Variants in ATP6V1H observed in about 807,000 individuals in gnomAD.
The protein encoded by ATP6V1H is ATPase H+ transporting V1 subunit H.
ATP6V1H carries 39 observed loss-of-function variants against 71.7 expected under a neutral mutation model. The ratio of observed to expected loss-of-function variants is 0.54; its 90% CI spans 0.42 to 0.71. ATP6V1H has a LOEUF of 0.71. Among genes scored for constraint, ATP6V1H ranks in the 30% least tolerant of loss-of-function variants. The pLI is 0.00. For missense variants in ATP6V1H, 509 were observed against 594.9 expected, an observed-to-expected ratio of 0.86 and a Z score of 1.50; for synonymous variants, 192 against 199.3, an observed-to-expected ratio of 0.96 and a Z score of 0.31.
At chr8:53,835,501 T>C (rs1477654552) in intron 2 of ATP6V1H, among the ~76,000 whole-genome samples, 3 of 152,222 alleles carry the variant, frequency 2.0e-5, no homozygotes, top group Non-Finnish European at 2.9e-5. Flanking sequence ...TTATTACATA[T>C]TCAAAAATCT....
rs143243735 is a variant in ATP6V1H, at chr8:53,813,332, G to A, written c.525+1330C>T. 2.2e-3 allele frequency among the ~76,000 whole-genome samples: 339 copies of A among 152,176 alleles called. 2 individuals carry two copies. Among genetic ancestry groups the A allele is most frequent in the African/African-American group, 7.9e-3 (328 of 41,526 alleles). On this transcript the variant is annotated intron_variant, in intron 6 of 13. Transcript: ENST00000359530. ...CAATTAGGCTCCCCTAAAAAAGGCA[G>A]GCAACAAGACAAAAAGTAAATCTAA...
chr8:53,834,114 T>C (rs1811087677), intron 2 of ATP6V1H, among the ~76,000 whole-genome samples: 1 of 152,134 alleles, frequency 6.6e-6, no homozygotes, highest in Non-Finnish European at 1.5e-5. Context: ...ACTTCAGGAT[T>C]CATTCAAGTC....
At position 53,801,913 on chromosome 8, in the gene ATP6V1H, G is replaced by A. The variant is rs1809921924; in HGVS notation, c.580-17C>T. The stretch of plus-strand genomic sequence containing the variant: ...CTGCGAACTCTGCACAAGAAGAAGT[G>A]TTGAGTTTTTAAATGGGAAGCATTT... On this transcript the variant is annotated splice_polypyrimidine_tract_variant and intron_variant, in intron 7 of 13. Transcript: ENST00000359530. The A allele has an allele frequency of 6.2e-7, 1 of 1,607,328 alleles. No individual in the cohort carries two copies. Among genetic ancestry groups the A allele is most frequent in the South Asian group, 1.1e-5 (1 of 89,492 alleles).
intron 11 of ATP6V1H, among the ~76,000 whole-genome samples, chr8:53,765,649 G>C (rs1278149993): frequency 6.6e-6 from 1 of 152,094 alleles, no homozygotes; most frequent in African/African-American, 2.4e-5. Context: ...CAAATAAACA[G>C]ATATTCCACG....
intron 12 of ATP6V1H, among the ~76,000 whole-genome samples, chr8:53,751,149 T>C (rs1807781074): frequency 1.3e-5 from 2 of 152,182 alleles, no homozygotes; most frequent in Non-Finnish European, 2.9e-5. Flanking sequence ...GGTGTCCGTG[T>C]TGCTAAGTAA....
chr8:53,736,391 A>C (rs1807204398), intron 13 of ATP6V1H, among the ~76,000 whole-genome samples: 1 of 152,234 alleles, frequency 6.6e-6, no homozygotes, highest in South Asian at 2.1e-4. Context: ...CTTAGGAAGC[A>C]AAAAAGTTAA....
intron 13 of ATP6V1H, among the ~76,000 whole-genome samples, chr8:53,718,685 G>A (rs764102989): frequency 4.6e-5 from 7 of 152,222 alleles, no homozygotes; most frequent in Non-Finnish European, 8.8e-5. Context: ...CACCATACCC[G>A]GCCAGGCTCA....
chr8:53,774,203 T>C (rs1015449811), intron 9 of ATP6V1H, among the ~76,000 whole-genome samples: 2 of 152,246 alleles, frequency 1.3e-5, no homozygotes, highest in Non-Finnish European at 2.9e-5. Flanking sequence ...TGCAAAGGCA[T>C]AGCATTGTCA....
chr8:53,835,540 A>C (rs961688936), intron 2 of ATP6V1H, among the ~76,000 whole-genome samples: 1 of 152,200 alleles, frequency 6.6e-6, no homozygotes, highest in African/African-American at 2.4e-5. Context: ...TTTTGTACAT[A>C]CTACTGCTAT....
intron 3 of ATP6V1H, among the ~76,000 whole-genome samples, chr8:53,831,171 G>T (rs1810994334): frequency 1.3e-5 from 2 of 152,132 alleles, no homozygotes; most frequent in Non-Finnish European, 2.9e-5. Flanking sequence ...CTTAACAATG[G>T]GGAAAGTTCT....
chr8:53,790,260 T>TGTAAATA, intron 9 of ATP6V1H, among the ~76,000 whole-genome samples: 1 of 152,334 alleles, frequency 6.6e-6, no homozygotes, highest in East Asian at 1.9e-4. Flanking sequence ...GCAATTCCCT[T>TGTAAATA]GTAAATAACA....
In ATP6V1H at chr8:53,801,754, G is replaced by A. The variant is rs1170310689; in HGVS notation, c.677+45C>T. On this transcript the variant is annotated intron_variant, in intron 8 of 13. Transcript: ENST00000359530. ...TATTTCTTTGAAAATGTCAAGGAGAGATGCTTGTAAATGTTATTTTACATT... is the reference window on the plus strand; with the variant it reads ...TATTTCTTTGAAAATGTCAAGGAGAAATGCTTGTAAATGTTATTTTACATT... 3 of 1,435,448 alleles carry A rather than the reference G, an allele frequency of 2.1e-6. No individual in the cohort carries two copies. The South Asian group carries it at 3.6e-5, about 17-fold the overall frequency. 88.9% of individuals were successfully genotyped at this position (1,435,448 alleles called of 1,614,324 possible). A position where few individuals can be genotyped will look rare whatever the true frequency, so the allele number is the denominator to read the frequency against.
At chr8:53,764,410 CA>C (rs2130289045) in intron 11 of ATP6V1H, among the ~76,000 whole-genome samples, 1 of 152,234 alleles carries the variant, frequency 6.6e-6, no homozygotes, top group South Asian at 2.1e-4. Context: ...ATCACATCAA[CA>C]GGCTAAAAAA....
At chr8:53,718,313 C>A (rs1183513220) in intron 13 of ATP6V1H, among the ~76,000 whole-genome samples, 1 of 152,164 alleles carries the variant, frequency 6.6e-6, no homozygotes, top group Non-Finnish European at 1.5e-5. Flanking sequence ...AGCTTCCACC[C>A]TACCATCTTC....
intron 4 of ATP6V1H, among the ~76,000 whole-genome samples, chr8:53,818,711 C>G (rs1397631427): frequency 1.3e-5 from 2 of 152,000 alleles, no homozygotes; most frequent in Non-Finnish European, 2.9e-5. Context: ...CAATTTAATC[C>G]TCAAAATCAG....
chr8:53,785,811 C>T (rs541158823), intron 9 of ATP6V1H, among the ~76,000 whole-genome samples: 1 of 152,254 alleles, frequency 6.6e-6, no homozygotes, highest in East Asian at 1.9e-4. Flanking sequence ...CACTCCTGAC[C>T]CTGTTTGCCT....
chr8:53,731,872 G>C (rs551120501), intron 13 of ATP6V1H, among the ~76,000 whole-genome samples: 66 of 152,384 alleles, frequency 4.3e-4, no homozygotes, highest in African/African-American at 1.6e-3. Flanking sequence ...CAGATCCTGA[G>C]AGCGCTCCGG....
Position 53,769,901 on chromosome 8 carries a change from T to C in ATP6V1H, c.1050-158A>G, listed in dbSNP as rs74393216. Among the ~76,000 whole-genome samples the C allele has an allele frequency of 6.3e-3, 957 of 152,256 alleles. 12 individuals carry two copies. The highest frequency in any genetic ancestry group is 0.022 in the African/African-American group (896 of 41,576). ...CCAAACGAACTTTAAACAGTTTAAATAATCTTTAATAAATCATGTGAAATT... is the reference window on the plus strand; with the variant it reads ...CCAAACGAACTTTAAACAGTTTAAACAATCTTTAATAAATCATGTGAAATT... On this transcript the variant is annotated intron_variant, in intron 10 of 13. Transcript: ENST00000359530.
At chr8:53,749,039 T>A (rs930991693) in intron 12 of ATP6V1H, among the ~76,000 whole-genome samples, 1 of 152,248 alleles carries the variant, frequency 6.6e-6, no homozygotes, top group African/African-American at 2.4e-5. Flanking sequence ...CCCTACTGTG[T>A]GGTGAACACT....
Sources: allele counts gnomAD v4.1 joint callset (sites outside exome capture counted in the v4.1 genomes callset), GRCh38; gene constraint gnomAD v4.1.1; transcripts MANE v1.5; gene names NCBI Gene and HGNC (gene_info 2026-07-23, HGNC 2026-07-21).